The following ARGLU1 variants were observed in gnomAD, a reference collection of about 807,000 sequenced individuals.
ARGLU1 encodes the protein arginine and glutamate rich 1, also known as arginine and glutamate-rich protein 1.
In ARGLU1, 9 loss-of-function variants were observed where a neutral mutation model predicts 37.6. The observed-to-expected ratio is 0.24, with a 90% CI of 0.14 to 0.42. ARGLU1 has a LOEUF of 0.42. ARGLU1 is among the 10% of genes least tolerant of loss of function. The pLI is 1.00. For missense variants in ARGLU1, 211 were observed against 359.2 expected, an observed-to-expected ratio of 0.59 and a Z score of 3.34; for synonymous variants, 166 against 138.5, an observed-to-expected ratio of 1.20 and a Z score of -1.39.
chr13:106,549,062 G>A (rs1201942085), intron 3 of ARGLU1, among the ~76,000 whole-genome samples: 8 of 152,092 alleles, frequency 5.3e-5, no homozygotes, highest in South Asian at 4.1e-4. Flanking sequence ...CTGCCCTACC[G>A]TCTTTACCCA....
Position 106,567,464 on chromosome 13 carries a change from G to A in ARGLU1, c.347+109C>T, listed in dbSNP as rs1881001279. 2.6e-6 allele frequency: 2 copies of A among 754,930 alleles called. No individual in the cohort carries two copies. The highest frequency in any genetic ancestry group is 3.9e-5 in the African/African-American group (2 of 51,782). 46.8% of individuals were successfully genotyped at this position (754,930 alleles called of 1,614,324 possible). ...GTTCCCGCGCCCGGTCCCCAGCCCC[G>A]GACCGTCCCCGCCATTCTCCCGGCC... On this transcript the variant is annotated intron_variant, in intron 1 of 3. Coordinates refer to ENST00000400198, the MANE Select transcript of ARGLU1 (RefSeq NM_018011.4). The surrounding 1 kb of genome is among the most constrained non-coding windows in gnomAD (Gnocchi z 4.3).
intron 3 of ARGLU1, among the ~76,000 whole-genome samples, chr13:106,552,684 A>C (rs557411555): frequency 6.6e-6 from 1 of 152,334 alleles, no homozygotes; most frequent in African/African-American, 2.4e-5. Context: ...ACTTCAAAAA[A>C]TTTTAAGCAT....
rs59373729 is a variant in ARGLU1, at chr13:106,561,424, TACACACACACACACAC to T, written c.348-1783_348-1768del. Among the ~76,000 whole-genome samples the T allele has an allele frequency of 6.1e-5, 9 of 147,964 alleles. No individual in the cohort carries two copies. In the East Asian group the frequency reaches 7.9e-4, roughly 13 times the overall value. ...TATGTAAATTTCTCATAATAAAGTG[TACACACACACACACAC>T]ACACACACACACACACACACACTTT... is the stretch of plus-strand genomic sequence containing the variant. On this transcript the variant is annotated intron_variant, in intron 1 of 3. Coordinates refer to ENST00000400198, the MANE Select transcript of ARGLU1 (RefSeq NM_018011.4).
At chr13:106,556,932 C>A in intron 3 of ARGLU1, 116 bp downstream of exon 3, 1 of 835,232 alleles carries the variant, frequency 1.2e-6, no homozygotes, top group Non-Finnish European at 1.9e-6. Flanking sequence ...TAAAGTTAGT[C>A]CTGAGAATCC....
intron 2 of ARGLU1, chr13:106,558,992 T>C (rs1253606022): frequency 1.0e-6 from 1 of 985,314 alleles, no homozygotes; most frequent in African/African-American, 1.7e-5. Flanking sequence ...CACTCAATGT[T>C]AGGCCCTGCT....
chr13:106,558,920 T>C, intron 2 of ARGLU1: 1 of 984,712 alleles, frequency 1.0e-6, no homozygotes, highest in Non-Finnish European at 1.2e-6. Flanking sequence ...GGGGAGGGAG[T>C]GAGGGATAAA....
chr13:106,547,467 T>C (rs558137421), intron 3 of ARGLU1, among the ~76,000 whole-genome samples: 16 of 151,982 alleles, frequency 1.1e-4, no homozygotes, highest in Admixed American at 5.2e-4. Flanking sequence ...AACCCAAATA[T>C]CCACCAATAT....
Position 106,544,038 on chromosome 13 carries a change from C to T in ARGLU1, c.780G>A (p.Lys260=). The change falls in exon 4 of 4, where the codon AAG becomes AAA. Residue 260 remains lysine (K), a synonymous_variant. Coordinates refer to ENST00000400198, the MANE Select transcript of ARGLU1 (RefSeq NM_018011.4). ...EEQKIILGKG[K]SRPKLSFSLK... is the part of the protein sequence containing the mutation. ...ATGAGAAGGACAGTTTTGGCCTGGA[C>T]TTCCCCTTGCCCAGGATAATTTTTT... The T allele has an allele frequency of 6.2e-7, 1 of 1,602,404 alleles. No individual in the cohort carries two copies. Among genetic ancestry groups the T allele is most frequent in the Non-Finnish European group, 8.5e-7 (1 of 1,175,816 alleles).
intron 2 of ARGLU1, chr13:106,559,206 CA>C (rs1880732453): frequency 6.7e-7 from 1 of 1,496,386 alleles, no homozygotes; most frequent in African/African-American, 1.4e-5. Context: ...TCCATTAAAT[CA>C]AAAAGTATCC....
intron 3 of ARGLU1, among the ~76,000 whole-genome samples, chr13:106,545,628 G>A (rs1880368650): frequency 6.6e-6 from 1 of 152,168 alleles, no homozygotes; most frequent in Non-Finnish European, 1.5e-5. Context: ...GAGGAAGATG[G>A]AAAAGGTAAC....
intron 3 of ARGLU1, among the ~76,000 whole-genome samples, chr13:106,553,121 C>A (rs1219697163): frequency 1.3e-5 from 2 of 152,144 alleles, no homozygotes; most frequent in African/African-American, 2.4e-5. Context: ...AAGTGATATA[C>A]ATTACTTGTA....
At chr13:106,560,698 G>T (rs919764132) in intron 1 of ARGLU1, among the ~76,000 whole-genome samples, 1 of 152,126 alleles carries the variant, frequency 6.6e-6, no homozygotes. Flanking sequence ...ACAATAATTT[G>T]TGCTGAATGA....
At chr13:106,556,744 C>T (rs775380001) in intron 3 of ARGLU1, among the ~76,000 whole-genome samples, 2 of 152,054 alleles carry the variant, frequency 1.3e-5, no homozygotes, top group African/African-American at 2.4e-5. Flanking sequence ...TTTGTTGTTG[C>T]TATTAGTTTT....
At position 106,543,823 on chromosome 13, in the gene ARGLU1, A is replaced by G. The variant is rs1946521716; in HGVS notation, c.*173T>C. 2.6e-5 allele frequency: 13 copies of G among 508,350 alleles called. No homozygotes were observed. The highest frequency in any genetic ancestry group is 3.9e-5 in the Non-Finnish European group (12 of 309,170). 31.5% of individuals were successfully genotyped at this position (508,350 alleles called of 1,614,324 possible). The stretch of plus-strand genomic sequence containing the variant: ...TCTGATAAGGATTTGACTTAGTGGA[A>G]GGAAAAAAAAAAAAAAAAAGGGAAT... On this transcript the variant is annotated 3_prime_UTR_variant, in exon 4 of 4. Coordinates refer to ENST00000400198, the MANE Select transcript of ARGLU1 (RefSeq NM_018011.4).
chr13:106,545,327 G>A (rs958547480), intron 3 of ARGLU1, among the ~76,000 whole-genome samples: 2 of 152,008 alleles, frequency 1.3e-5, no homozygotes, highest in Admixed American at 1.3e-4. Context: ...TAAAACATTC[G>A]CTGCATCCTT....
chr13:106,547,741 C>G (rs950388435), intron 3 of ARGLU1, among the ~76,000 whole-genome samples: 80 of 151,564 alleles, frequency 5.3e-4, no homozygotes, highest in Non-Finnish European at 1.3e-4. Context: ...TAACTGAGTA[C>G]ACTTTTGGAG....
chr13:106,557,965 A>G lies in ARGLU1; in HGVS notation c.574-834T>C. 1 of 985,422 alleles carries G rather than the reference A, an allele frequency of 1.0e-6. No homozygotes were observed. The highest frequency in any genetic ancestry group is 1.7e-5 in the African/African-American group (1 of 57,346). The allele number at this position is 985,422 out of a possible 1,614,324, so 61.0% of individuals were successfully genotyped here. A position where few individuals can be genotyped will look rare whatever the true frequency, so the allele number is the denominator to read the frequency against. ...CCAGGGGATGCATGGTCAGGAAATAAAATTCTTCAACTTATTTTTTCTTGG... is the reference window on the plus strand; with the variant it reads ...CCAGGGGATGCATGGTCAGGAAATAGAATTCTTCAACTTATTTTTTCTTGG... On this transcript the variant is annotated intron_variant, in intron 2 of 3. Transcript: ENST00000400198. The surrounding 1 kb of genome is among the most constrained non-coding windows in gnomAD (Gnocchi z 5.0).
At chr13:106,564,657 C>T (rs568573742) in intron 1 of ARGLU1, among the ~76,000 whole-genome samples, 3 of 152,198 alleles carry the variant, frequency 2.0e-5, no homozygotes, top group East Asian at 1.9e-4. Context: ...GAATGAACCG[C>T]TCTCCTCTCT....
At chr13:106,566,862 G>A (rs1045921638) in intron 1 of ARGLU1, among the ~76,000 whole-genome samples, 1 of 152,036 alleles carries the variant, frequency 6.6e-6, no homozygotes, top group African/African-American at 2.4e-5. Flanking sequence ...AAAAGCGGTA[G>A]GCTTTGGGAT....
Sources: allele counts gnomAD v4.1 joint callset (sites outside exome capture counted in the v4.1 genomes callset), GRCh38; gene constraint gnomAD v4.1.1; non-coding constraint Gnocchi (gnomAD v3.1); transcripts MANE v1.5; gene names NCBI Gene and HGNC (gene_info 2026-07-23, HGNC 2026-07-21).